SORCS3: variants seen among roughly 807,000 people sequenced by gnomAD.
The protein encoded by SORCS3 is sortilin related VPS10 domain containing receptor 3.
Under a neutral mutation model 146.3 loss-of-function variants are expected in SORCS3, and 57 were observed. The ratio of observed to expected loss-of-function variants is 0.39; its 90% CI spans 0.31 to 0.49. The LOEUF is 0.49. Among genes scored for constraint, SORCS3 ranks in the 20% least tolerant of loss-of-function variants. SORCS3 has a pLI of 0.92. For missense variants in SORCS3, 1,341 were observed against 1,575.5 expected, an observed-to-expected ratio of 0.85 and a Z score of 2.52; for synonymous variants, 653 against 618.5, an observed-to-expected ratio of 1.06 and a Z score of -0.83.
chr10:105,112,232 G>T (rs1460810924), intron 7 of SORCS3, among the ~76,000 whole-genome samples: 1 of 149,434 alleles, frequency 6.7e-6, no homozygotes, highest in Non-Finnish European at 1.5e-5. Context: ...GTTTTATTTT[G>T]TGTGTGTATT....
intron 1 of SORCS3, among the ~76,000 whole-genome samples, chr10:104,694,735 G>T (rs1404742142): frequency 6.6e-6 from 1 of 152,108 alleles, no homozygotes; most frequent in African/African-American, 2.4e-5. Context: ...CCACACAGGA[G>T]TTTGTCCTTC....
At chr10:105,223,294 G>A in intron 20 of SORCS3, 45 bp downstream of exon 20, 1 of 1,532,908 alleles carries the variant, frequency 6.5e-7, no homozygotes, top group Non-Finnish European at 8.8e-7. Flanking sequence ...TGTACTGAAT[G>A]CTCCTATGTT....
intron 7 of SORCS3, among the ~76,000 whole-genome samples, chr10:105,128,777 A>G (rs2133770682): frequency 6.6e-6 from 1 of 152,304 alleles, no homozygotes; most frequent in Non-Finnish European, 1.5e-5. Flanking sequence ...ATACACTTCT[A>G]AAAGCTTGTG....
chr10:104,858,914 C>T (rs2018367317), intron 2 of SORCS3, among the ~76,000 whole-genome samples: 2 of 144,024 alleles, frequency 1.4e-5, no homozygotes, highest in African/African-American at 5.2e-5. Context: ...AGCCACCGCA[C>T]CTGGCCTGAG....
chr10:104,828,761 A>G (rs1036971737), intron 1 of SORCS3, among the ~76,000 whole-genome samples: 2 of 152,164 alleles, frequency 1.3e-5, no homozygotes, highest in African/African-American at 4.8e-5. Context: ...TTAGAGAATG[A>G]TAACTCTTTA....
intron 2 of SORCS3, among the ~76,000 whole-genome samples, chr10:104,889,985 A>G (rs2018731663): frequency 6.6e-6 from 1 of 152,130 alleles, no homozygotes; most frequent in Admixed American, 6.5e-5. Context: ...TTTTCCTTTC[A>G]GAACTTTAAA....
intron 4 of SORCS3, among the ~76,000 whole-genome samples, chr10:104,986,152 A>G (rs1267784744): frequency 6.6e-6 from 1 of 152,202 alleles, no homozygotes; most frequent in Non-Finnish European, 1.5e-5. Context: ...GCCATCATCC[A>G]TGATCTTAGC....
chr10:104,754,139 A>G (rs539692668), intron 1 of SORCS3, among the ~76,000 whole-genome samples: 74 of 152,310 alleles, frequency 4.9e-4, no homozygotes, highest in Admixed American at 2.4e-3. Flanking sequence ...TGCTTAAATC[A>G]AGGTTAAGCA....
At position 105,217,044 on chromosome 10, in the gene SORCS3, G is replaced by T. The variant is rs755501681; in HGVS notation, c.2656G>T (p.Ala886Ser). Residue 886 changes from alanine (A) to serine (S), a missense_variant, in exon 19 of 27, where the codon GCG becomes TCG. By Grantham distance (99) the Ala-to-Ser change is moderately conservative. Coordinates refer to ENST00000369701, the MANE Select transcript of SORCS3 (RefSeq NM_014978.3). ...EDGIKHVYKS[A>S]GIFQVTAYAE... The stretch of plus-strand genomic sequence containing the variant: ...CGGCATCAAGCACGTGTATAAGAGT[G>T]CGGGGATCTTCCAGGTGACAGCCTA... 3 of 1,614,064 alleles carry T rather than the reference G, an allele frequency of 1.9e-6. No homozygotes were observed. The African/African-American group carries it at 4.0e-5, about 22-fold the overall frequency.
chr10:104,977,733 T>TC (rs933652563), intron 4 of SORCS3, among the ~76,000 whole-genome samples: 8 of 137,064 alleles, frequency 5.8e-5, no homozygotes, highest in Admixed American at 4.9e-4. Context: ...TTCTTTTCTT[T>TC]TTTTTTTTTT....
At chr10:104,720,737 C>T (rs1335079504) in intron 1 of SORCS3, among the ~76,000 whole-genome samples, 1 of 152,208 alleles carries the variant, frequency 6.6e-6, no homozygotes, top group Non-Finnish European at 1.5e-5. Context: ...TGATGATGAG[C>T]ATTTTTCCAT....
chr10:104,810,083 C>T (rs2017724166), intron 1 of SORCS3, among the ~76,000 whole-genome samples: 1 of 152,148 alleles, frequency 6.6e-6, no homozygotes, highest in East Asian at 1.9e-4. Flanking sequence ...CCATATGCCA[C>T]ATCTTGAATG....
chr10:104,771,478 T>A, intron 1 of SORCS3, among the ~76,000 whole-genome samples: 1 of 152,106 alleles, frequency 6.6e-6, no homozygotes, highest in East Asian at 1.9e-4. Context: ...CACAGTGTAA[T>A]GAATTCTAAT....
rs2016990412 is a variant in SORCS3 at position 104,751,938 on chromosome 10, T to TATATAG, written c.628-90849_628-90848insGATATA. Among the ~76,000 whole-genome samples the TATATAG allele has an allele frequency of 3.0e-5, 3 of 99,570 alleles. No individual in the cohort carries two copies. The South Asian group carries it at 1.0e-3, about 33-fold the overall frequency. 65.3% of individuals were successfully genotyped at this position (99,570 alleles called of 152,430 possible). A position where few individuals can be genotyped will look rare whatever the true frequency, so the allele number is the denominator to read the frequency against. The stretch of plus-strand genomic sequence containing the variant: ...CTAATAGGAAGCATATATATATATA[T>TATATAG]ATATATATATATATATATATATATA... On this transcript the variant is annotated intron_variant, in intron 1 of 26. Coordinates refer to ENST00000369701, the MANE Select transcript of SORCS3 (RefSeq NM_014978.3).
intron 7 of SORCS3, among the ~76,000 whole-genome samples, chr10:105,129,959 G>A (rs2056006346): frequency 6.6e-6 from 1 of 152,076 alleles, no homozygotes; most frequent in Non-Finnish European, 1.5e-5. Flanking sequence ...AAGCCTCCAG[G>A]TTGCATACAT....
At chr10:104,860,639 A>G (rs996759721) in intron 2 of SORCS3, among the ~76,000 whole-genome samples, 10 of 152,182 alleles carry the variant, frequency 6.6e-5, no homozygotes, top group African/African-American at 2.2e-4. Context: ...GCTTGCTTAC[A>G]CTTACCAAGT....
intron 1 of SORCS3, among the ~76,000 whole-genome samples, chr10:104,683,085 A>G (rs753773548): frequency 2.0e-5 from 3 of 152,180 alleles, no homozygotes; most frequent in Non-Finnish European, 4.4e-5. Flanking sequence ...GCAGGCCCTA[A>G]ATGTCCTAGG....
chr10:105,064,356 A>C (rs1264627815), intron 5 of SORCS3, among the ~76,000 whole-genome samples: 3 of 152,138 alleles, frequency 2.0e-5, no homozygotes, highest in Non-Finnish European at 4.4e-5. Context: ...AACCAATAGG[A>C]GATAGATAGA....
intron 2 of SORCS3, among the ~76,000 whole-genome samples, chr10:104,894,282 T>TC (rs1325759760): frequency 6.6e-6 from 1 of 152,238 alleles, no homozygotes; most frequent in Non-Finnish European, 1.5e-5. Context: ...TCAGTATTCT[T>TC]CATCTACCAA....
Sources: allele counts gnomAD v4.1 joint callset (sites outside exome capture counted in the v4.1 genomes callset), GRCh38; gene constraint gnomAD v4.1.1; transcripts MANE v1.5; gene names NCBI Gene and HGNC (gene_info 2026-07-23, HGNC 2026-07-21).